TPTE2: variants seen among roughly 807,000 people sequenced by gnomAD.
TPTE2 encodes phosphatidylinositol 3,4,5-trisphosphate 3-phosphatase TPTE2.
Under a neutral mutation model 78.6 loss-of-function variants are expected in TPTE2, and 53 were observed. The observed-to-expected ratio is 0.67, with a 90% confidence interval of 0.54 to 0.85. TPTE2 has a LOEUF of 0.85. Ranked by LOEUF, TPTE2 falls within the 40% of genes least tolerant of loss-of-function variation. The pLI, the probability that TPTE2 is intolerant of heterozygous loss-of-function variation, is 0.00. For synonymous variants in TPTE2, 175 were observed against 206.2 expected, an observed-to-expected ratio of 0.85 and a Z score of 1.30; for missense variants, 461 against 623.0, an observed-to-expected ratio of 0.74 and a Z score of 2.77.
At chr13:19,501,733 T>C (rs1479612895) in intron 1 of TPTE2, among the ~76,000 whole-genome samples, 2 of 151,760 alleles carry the variant, frequency 1.3e-5, no homozygotes, top group African/African-American at 2.4e-5. Context: ...ATTCAGGACA[T>C]AGGCATGGGC....
chr13:19,532,641 C>G (rs1340508049), intron 1 of TPTE2, among the ~76,000 whole-genome samples: 1 of 152,240 alleles, frequency 6.6e-6, no homozygotes, highest in Non-Finnish European at 1.5e-5. Flanking sequence ...CCTCAACCCA[C>G]CTCTCTGCCT....
At chr13:19,549,992 G>T in the TPTE2 span, among the ~76,000 whole-genome samples, 4 of 99,036 alleles carry the variant, frequency 4.0e-5, no homozygotes, top group African/African-American at 1.1e-4. Context: ...AGGCACTGGG[G>T]CCTATTCGAG....
intron 17 of TPTE2, among the ~76,000 whole-genome samples, chr13:19,427,295 G>T (rs1417341853): frequency 1.3e-5 from 2 of 151,230 alleles, no homozygotes; most frequent in East Asian, 3.9e-4. Context: ...ATGTTGGCCA[G>T]AATGGTCTCG....
chr13:19,496,631 T>C (rs1881330236), intron 1 of TPTE2, among the ~76,000 whole-genome samples: 1 of 152,218 alleles, frequency 6.6e-6, no homozygotes, highest in African/African-American at 2.4e-5. Flanking sequence ...CAAGTCCATG[T>C]TCCATTAGCT....
In TPTE2 at chr13:19,466,344, G is replaced by T. The variant is rs184454193; in HGVS notation, c.513-780C>A. On this transcript the variant is annotated intron_variant, in intron 7 of 19. Coordinates refer to ENST00000400230, the Ensembl canonical transcript of TPTE2. ...TAGTCAGAGAACCACATTGGCTGAG[G>T]TTATTTTCAAATAACTCCAAAAGCC... 1.6e-3 allele frequency among the ~76,000 whole-genome samples: 239 copies of T among 152,266 alleles called. 1 individual carries two copies. The highest frequency in any genetic ancestry group is 5.6e-3 in the African/African-American group (231 of 41,564).
At chr13:19,530,175 G>A (rs1413109456) in intron 1 of TPTE2, among the ~76,000 whole-genome samples, 1 of 152,178 alleles carries the variant, frequency 6.6e-6, no homozygotes, top group Non-Finnish European at 1.5e-5. Flanking sequence ...GGGTTTAAGT[G>A]CTGGCTGCAC....
upstream of TPTE2, among the ~76,000 whole-genome samples, chr13:19,540,697 TTTTA>T (rs200493029): frequency 0.017 from 2,643 of 152,284 alleles, 37 homozygotes; most frequent in Non-Finnish European, 0.026. Context: ...TTTATTAAGA[TTTTA>T]TTTATTTATA....
chr13:19,458,057 CAATATA>C (rs1040964386), intron 10 of TPTE2, among the ~76,000 whole-genome samples: 2 of 151,920 alleles, frequency 1.3e-5, no homozygotes, highest in African/African-American at 2.4e-5. Context: ...AAATATAAAC[CAATATA>C]AATATAAATA....
intron 1 of TPTE2, among the ~76,000 whole-genome samples, chr13:19,522,194 G>C (rs1425231042): frequency 6.6e-6 from 1 of 152,178 alleles, no homozygotes; most frequent in Non-Finnish European, 1.5e-5. Flanking sequence ...GGCATCACAG[G>C]GGTGGTATAC....
the TPTE2 span, chr13:19,559,993 C>T: frequency 2.1e-6 from 1 of 481,392 alleles, no homozygotes; most frequent in Non-Finnish European, 3.6e-6. Flanking sequence ...CCAGAACCCC[C>T]ACCAGTCCCA....
rs905309132 is a variant in TPTE2 at position 19,436,205 on chromosome 13, AT to A, written c.1116+20del. On this transcript the variant is annotated intron_variant, in intron 15 of 19. Coordinates refer to ENST00000400230, the Ensembl canonical transcript of TPTE2. ...AACCCACTCCCCTAAAAAAACTCCC[AT>A]TTTTAAAAAGAAAACTTACCTGAGA... is the stretch of plus-strand genomic sequence containing the variant. The A allele has an allele frequency of 1.3e-6, 2 of 1,598,516 alleles. No individual in the cohort carries two copies. The highest frequency in any genetic ancestry group is 2.2e-5 in the East Asian group (1 of 44,704).
chr13:19,561,302 C>A, the TPTE2 span: 1 of 907,218 alleles, frequency 1.1e-6, no homozygotes, highest in Non-Finnish European at 1.6e-6. Context: ...CCCCAGCATG[C>A]CGATCCCAGG....
chr13:19,442,284 C>G (rs1487194215), intron 13 of TPTE2, among the ~76,000 whole-genome samples: 2 of 150,868 alleles, frequency 1.3e-5, no homozygotes, highest in Non-Finnish European at 1.5e-5. Context: ...AAGATAAATA[C>G]AAAACTCTCA....
chr13:19,493,696 A>G, intron 1 of TPTE2, 195 bp from the exon 5 acceptor site: 1 of 642,848 alleles, frequency 1.6e-6, no homozygotes, highest in South Asian at 1.6e-5. Flanking sequence ...CCAAAATCTT[A>G]GGCTGGGGAA....
the TPTE2 span, among the ~76,000 whole-genome samples, chr13:19,546,063 A>G: frequency 6.6e-6 from 1 of 152,110 alleles, no homozygotes; most frequent in South Asian, 2.1e-4. Flanking sequence ...CTGTTGTGGC[A>G]TGCACCTGTA....
intron 1 of TPTE2, among the ~76,000 whole-genome samples, chr13:19,526,022 TA>T: frequency 6.6e-6 from 1 of 152,216 alleles, no homozygotes; most frequent in South Asian, 2.1e-4. Context: ...TAGCTATTAT[TA>T]AAAAGCCAAA....
At chr13:19,446,885 A>G (rs922747321) in intron 13 of TPTE2, among the ~76,000 whole-genome samples, 3 of 152,162 alleles carry the variant, frequency 2.0e-5, no homozygotes, top group Admixed American at 6.5e-5. Flanking sequence ...TCAGGCTGCA[A>G]TGAGCTGAGA....
rs371391967 is a variant in TPTE2, at chr13:19,461,409, A to G, written c.741+3047T>C. ...AGTCAGCATATCTGTCACCTCAAAT[A>G]TTTATCATTCTTTGTGTTGGGAACA... On this transcript the variant is annotated intron_variant, in intron 10 of 19. Coordinates refer to ENST00000400230, the Ensembl canonical transcript of TPTE2. Among the ~76,000 whole-genome samples the G allele has an allele frequency of 4.1e-3, 627 of 152,102 alleles. 5 individuals carry two copies. Among genetic ancestry groups the G allele is most frequent in the South Asian group, 0.026 (124 of 4,812 alleles).
intron 1 of TPTE2, among the ~76,000 whole-genome samples, chr13:19,515,658 T>C (rs1456424245): frequency 6.6e-6 from 1 of 152,200 alleles, no homozygotes; most frequent in Non-Finnish European, 1.5e-5. Flanking sequence ...AAGGCATCTA[T>C]AGGCATCCGC....
Sources: allele counts gnomAD v4.1 joint callset (sites outside exome capture counted in the v4.1 genomes callset), GRCh38; gene constraint gnomAD v4.1.1; transcripts MANE v1.5; gene names NCBI Gene and HGNC (gene_info 2026-07-23, HGNC 2026-07-21).